The following LIX1L variants were observed in gnomAD, a reference collection of about 807,000 sequenced individuals.
The protein encoded by LIX1L is LIX1-like protein.
In LIX1L, 20 loss-of-function variants were observed where a neutral mutation model predicts 34.0. The ratio of observed to expected loss-of-function variants is 0.59; its 90% CI spans 0.41 to 0.85. The LOEUF (loss-of-function observed/expected upper bound fraction) is 0.85, where lower values mean the gene tolerates loss of function less well. Ranked by LOEUF, LIX1L falls within the 40% of genes least tolerant of loss-of-function variation. The probability of loss-of-function intolerance (pLI) is 0.00; values close to 1 mark genes in which losing one functional copy is unlikely to be tolerated. For synonymous variants in LIX1L, 170 were observed against 187.4 expected, an observed-to-expected ratio of 0.91 and a Z score of 0.76; for missense variants, 397 against 447.0, an observed-to-expected ratio of 0.89 and a Z score of 1.01.
At chr1:145,943,384 CAAAT>C (rs1648992455) in intron 2 of LIX1L, among the ~76,000 whole-genome samples, 1 of 152,134 alleles carries the variant, frequency 6.6e-6, no homozygotes, top group Non-Finnish European at 1.5e-5. Flanking sequence ...GGCATTTTCT[CAAAT>C]AACGTAGTGA....
At chr1:145,938,828 T>C (rs587720655) in intron 3 of LIX1L, among the ~76,000 whole-genome samples, 172 of 152,284 alleles carry the variant, frequency 1.1e-3, no homozygotes, top group African/African-American at 3.9e-3. Flanking sequence ...CCTCAGGTGA[T>C]CTGCCTGTCT....
intron 1 of LIX1L, among the ~76,000 whole-genome samples, chr1:145,955,194 G>A (rs761722553): frequency 2.0e-5 from 3 of 152,208 alleles, no homozygotes; most frequent in Non-Finnish European, 2.9e-5. Context: ...TAGGTCCTCT[G>A]ATTACAAATC....
In LIX1L at chr1:145,942,576, G is replaced by C. The variant is rs1216658649; in HGVS notation, c.597+137C>G. On this transcript the variant is annotated intron_variant, in intron 3 of 5. Transcript: ENST00000604000. ...GCACATGACACAATAGACTGACAGA[G>C]AATAAATCAAAAGAACAGAGAGGTG... The C allele has an allele frequency of 5.1e-6, 4 of 778,112 alleles. No individual in the cohort carries two copies. In the East Asian group the frequency reaches 9.8e-5, roughly 19 times the overall value. 48.2% of individuals were successfully genotyped at this position (778,112 alleles called of 1,614,324 possible).
At chr1:145,941,559 TACA>T (rs1648918474) in intron 3 of LIX1L, among the ~76,000 whole-genome samples, 2 of 152,078 alleles carry the variant, frequency 1.3e-5, no homozygotes, top group South Asian at 4.1e-4. Context: ...GGCCTGTAAT[TACA>T]TCTTAATTAA....
At chr1:145,950,361 T>G (rs1553759700) in intron 1 of LIX1L, 5 of 152,084 alleles carry the variant, frequency 3.3e-5, no homozygotes. Flanking sequence ...TAGTACAGTT[T>G]TTGTTGTTGT....
In LIX1L at chr1:145,936,171, T is replaced by C; in HGVS notation, c.*139A>G. 1 of 979,286 alleles carries C rather than the reference T, an allele frequency of 1.0e-6. No individual in the cohort carries two copies. The highest frequency in any genetic ancestry group is 1.4e-6 in the Non-Finnish European group (1 of 690,690). 60.7% of individuals were successfully genotyped at this position (979,286 alleles called of 1,614,324 possible). ...AAAGGGATCTCTTAGCAAATAGGAA[T>C]CTAGGTGTAGAATTTATACACATAT... is the stretch of plus-strand genomic sequence containing the variant. On this transcript the variant is annotated 3_prime_UTR_variant, in exon 6 of 6. Coordinates refer to ENST00000604000, the MANE Select transcript of LIX1L (RefSeq NM_153713.3).
rs2101888665 is a variant in LIX1L, at chr1:145,934,350, G to A, written c.*1960C>T. Reference sequence around the variant, plus strand: ...GCACTTTGGGAGGCCGAGGCGGGCGGATCACGAAGTCAGGAAATCGAGACC... The same window carrying A: ...GCACTTTGGGAGGCCGAGGCGGGCGAATCACGAAGTCAGGAAATCGAGACC... On this transcript the variant is annotated 3_prime_UTR_variant, in exon 6 of 6. Transcript: ENST00000604000. The A allele has an allele frequency of 6.6e-6, 1 of 152,306 alleles. No homozygotes were observed. Among genetic ancestry groups the A allele is most frequent in the East Asian group, 1.9e-4 (1 of 5,184 alleles). 9.4% of individuals were successfully genotyped at this position (152,306 alleles called of 1,614,324 possible). A position where few individuals can be genotyped will look rare whatever the true frequency, so the allele number is the denominator to read the frequency against.
At position 145,942,829 on chromosome 1, in the gene LIX1L, G is replaced by A. The variant is rs371989002; in HGVS notation, c.481C>T (p.Arg161Trp). 14 of 1,613,962 alleles carry A rather than the reference G, an allele frequency of 8.7e-6. No individual in the cohort carries two copies. Among genetic ancestry groups the A allele is most frequent in the Non-Finnish European group, 1.1e-5 (13 of 1,180,000 alleles). The change falls in exon 3 of 6, where the codon CGG (arginine) becomes TGG (tryptophan). Residue 161 changes from arginine to tryptophan, a missense_variant. Physicochemically the swap from Arg to Trp is moderately radical, Grantham distance 101. This residue lies in a region of LIX1L where 16 missense variants were observed against 37.8 expected (regional missense o/e 0.42). Transcript: ENST00000604000. ...AGCGCAATCTTTGCAGCACTCCTCC[G>A]GGCCTCAGCTTTTGTGGGGCAAAAC... The part of the protein sequence containing the change: ...FQFCPTKAEA[R>W]RSAAKIALMN...
Position 145,942,759 on chromosome 1 carries a change from T to C in LIX1L, c.551A>G (p.Asp184Gly), listed in dbSNP as rs1434790286. ...FNEHPSRRIT[D>G]EFIEKSVSEA... ...AGAGACACTCTTCTCGATGAACTCA[T>C]CAGTGATTCTTCGGGAAGGATGTTC... is the stretch of plus-strand genomic sequence containing the variant. The change falls in exon 3 of 6, where the codon GAT becomes GGT. Residue 184 changes from aspartate to glycine, a missense_variant. Physicochemically the swap from Asp to Gly is moderately conservative, Grantham distance 94. Transcript: ENST00000604000. 5 of 1,614,002 alleles carry C rather than the reference T, an allele frequency of 3.1e-6. No individual in the cohort carries two copies. The highest frequency in any genetic ancestry group is 4.2e-6 in the Non-Finnish European group (5 of 1,179,962).
chr1:145,935,438 AAAAAT>A lies in LIX1L; in HGVS notation c.*867_*871del, dbSNP rs1311839755. On this transcript the variant is annotated 3_prime_UTR_variant, in exon 6 of 6. Transcript: ENST00000604000. ...CCAAATAGGACTGATAACGCTTCCA[AAAAAT>A]AAAATGTTAGGTGAAGGGAAATATG... The A allele has an allele frequency of 6.6e-6, 1 of 152,556 alleles. No individual in the cohort carries two copies. The highest frequency in any genetic ancestry group is 2.4e-5 in the African/African-American group (1 of 41,502). The allele number at this position is 152,556 out of a possible 1,614,324, so 9.5% of individuals were successfully genotyped here.
At position 145,957,990 on chromosome 1, in the gene LIX1L, AC is replaced by A. The variant is rs1649560396; in HGVS notation, c.-64del. 3 of 1,195,728 alleles carry A rather than the reference AC, an allele frequency of 2.5e-6. No individual in the cohort carries two copies. Among genetic ancestry groups the A allele is most frequent in the African/African-American group, 1.6e-5 (1 of 62,232 alleles). 74.1% of individuals were successfully genotyped at this position (1,195,728 alleles called of 1,614,324 possible). On this transcript the variant is annotated 5_prime_UTR_variant, in exon 1 of 6. Coordinates refer to ENST00000604000, the MANE Select transcript of LIX1L (RefSeq NM_153713.3). Reference sequence around the variant, plus strand: ...GCCTGCCGAGCTAACGGTCCCAACCACCCCAGTCAGCTAGCGCCTGGGGACT... The same window carrying A: ...GCCTGCCGAGCTAACGGTCCCAACCACCCAGTCAGCTAGCGCCTGGGGACT...
chr1:145,947,700 A>G lies in LIX1L; in HGVS notation c.375T>C (p.Val125=). 1 of 1,614,120 alleles carries G rather than the reference A, an allele frequency of 6.2e-7. No homozygotes were observed. Among genetic ancestry groups the G allele is most frequent in the Non-Finnish European group, 8.5e-7 (1 of 1,180,020 alleles). ...GGCTGTTGGAGGGAACCATCTCATA[A>G]ACCACTAGAGCCCCATTCTTTAAGT... ...GADLKNGALV[V]YEMVPSNSPP... The change falls in exon 2 of 6, where the codon GTT becomes GTC. Residue 125 remains valine, a synonymous_variant. Transcript: ENST00000604000.
chr1:145,947,799 C>T lies in LIX1L; in HGVS notation c.293-17G>A, dbSNP rs782580957. On this transcript the variant is annotated splice_polypyrimidine_tract_variant and intron_variant, in intron 1 of 5. Coordinates refer to ENST00000604000, the MANE Select transcript of LIX1L (RefSeq NM_153713.3). Reference sequence around the variant, plus strand: ...CCACATTCACTACAAAAGAGAAGTACTTAAGTTCAGCAATGAATGAGAACA... The same window carrying T: ...CCACATTCACTACAAAAGAGAAGTATTTAAGTTCAGCAATGAATGAGAACA... 9.3e-6 allele frequency: 15 copies of T among 1,613,160 alleles called. No individual in the cohort carries two copies. The highest frequency in any genetic ancestry group is 1.2e-5 in the Non-Finnish European group (14 of 1,179,300).
In LIX1L at chr1:145,942,778, G is replaced by A. The variant is rs1165769024; in HGVS notation, c.532C>T (p.Pro178Ser). Residue 178 changes from proline to serine, a missense_variant, in exon 3 of 6, where the codon CCT (proline) becomes TCT (serine). Physicochemically the swap from Pro to Ser is moderately conservative, Grantham distance 74. Coordinates refer to ENST00000604000, the MANE Select transcript of LIX1L (RefSeq NM_153713.3). ...AACTCATCAGTGATTCTTCGGGAAGGATGTTCATTAAACACAGAATTCATT... is the reference window on the plus strand; with the variant it reads ...AACTCATCAGTGATTCTTCGGGAAGAATGTTCATTAAACACAGAATTCATT... Reference protein sequence around the residue: ...ALMNSVFNEHPSRRITDEFIE... With the variant: ...ALMNSVFNEHSSRRITDEFIE... 1.2e-6 allele frequency: 2 copies of A among 1,613,898 alleles called. No individual in the cohort carries two copies. The highest frequency in any genetic ancestry group is 1.7e-6 in the Non-Finnish European group (2 of 1,179,896).
At chr1:145,943,489 A>C (rs1648996589) in intron 2 of LIX1L, among the ~76,000 whole-genome samples, 1 of 152,212 alleles carries the variant, frequency 6.6e-6, no homozygotes, top group African/African-American at 2.4e-5. Context: ...AGAGGAGAGG[A>C]GTAACTAAGG....
chr1:145,943,494 C>T (rs1648996818), intron 2 of LIX1L, among the ~76,000 whole-genome samples: 1 of 152,014 alleles, frequency 6.6e-6, no homozygotes, highest in Non-Finnish European at 1.5e-5. Flanking sequence ...AGAGGAGTAA[C>T]TAAGGGAAGG....
chr1:145,944,947 G>A (rs1381767026), intron 2 of LIX1L, among the ~76,000 whole-genome samples: 1 of 151,840 alleles, frequency 6.6e-6, no homozygotes, highest in Non-Finnish European at 1.5e-5. Flanking sequence ...AGGATCACTT[G>A]AGCCCATGAA....
chr1:145,939,329 G>T (rs1648791565), intron 3 of LIX1L, among the ~76,000 whole-genome samples: 1 of 141,736 alleles, frequency 7.1e-6, no homozygotes, highest in Non-Finnish European at 1.5e-5. Flanking sequence ...TTTTTGAGAT[G>T]AAGTCTTACT....
At chr1:145,947,886 C>A in intron 1 of LIX1L, 104 bp from the exon 2 acceptor site, 2 of 907,146 alleles carry the variant, frequency 2.2e-6, no homozygotes, top group Non-Finnish European at 3.4e-6. Flanking sequence ...TAAGAGTCTG[C>A]CCCTTAGCTC....
Sources: allele counts gnomAD v4.1 joint callset (sites outside exome capture counted in the v4.1 genomes callset), GRCh38; gene constraint gnomAD v4.1.1; regional missense constraint gnomAD v4.1.1; transcripts MANE v1.5; gene names NCBI Gene and HGNC (gene_info 2026-07-23, HGNC 2026-07-21).